ZNF700: variants seen among roughly 807,000 people sequenced by gnomAD.
The protein encoded by ZNF700 is zinc finger protein 700.
ZNF700 carries 38 observed loss-of-function variants against 65.3 expected under a neutral mutation model. That is an observed-to-expected ratio of 0.58 (90% CI 0.45 to 0.76). ZNF700 has a LOEUF of 0.76. Among genes scored for constraint, ZNF700 ranks in the 30% least tolerant of loss-of-function variants. The pLI, the probability that ZNF700 is intolerant of heterozygous loss-of-function variation, is 0.00. For synonymous variants in ZNF700, 285 were observed against 290.4 expected, an observed-to-expected ratio of 0.98 and a Z score of 0.19; for missense variants, 857 against 888.4, an observed-to-expected ratio of 0.96 and a Z score of 0.45.
rs758263083 is a variant in ZNF700 at position 11,947,187 on chromosome 19, G to C, written c.70G>C (p.Val24Leu). Residue 24 changes from valine (V) to leucine (L), a missense_variant, in exon 2 of 4, where the codon GTG (valine) becomes CTG (leucine). Val to Leu is a conservative substitution (Grantham distance 32). Coordinates refer to ENST00000254321, the MANE Select transcript of ZNF700 (RefSeq NM_144566.3). ...CACATGTGAGATGTTTCAGGACCCAGTGGCCTTTGAGGATGTGGCTGTGAA... is the reference window on the plus strand; with the variant it reads ...CACATGTGAGATGTTTCAGGACCCACTGGCCTTTGAGGATGTGGCTGTGAA... ...GTSESREMDP[V>L]AFEDVAVNFT... 2.5e-6 allele frequency: 4 copies of C among 1,613,796 alleles called. No individual in the cohort carries two copies. The highest frequency in any genetic ancestry group is 3.4e-6 in the Non-Finnish European group (4 of 1,179,924).
chr19:11,925,334 C>T (rs1256762352), intron 1 of ZNF700, 61 bp downstream of exon 1: 5 of 1,597,244 alleles, frequency 3.1e-6, no homozygotes, highest in Admixed American at 1.7e-5. Flanking sequence ...CAGGCGGGAA[C>T]CGGCTGTGGC....
In ZNF700 at chr19:11,950,630, T is replaced by A; in HGVS notation, c.*377T>A. On this transcript the variant is annotated 3_prime_UTR_variant, in exon 4 of 4. Transcript: ENST00000254321. ...AGAAACTCTATGAATGTAAGCAGTA[T>A]GGGAAAGCCTTCAGATCTGCCAAGA... is the stretch of plus-strand genomic sequence containing the variant. 1 of 388,482 alleles carries A rather than the reference T, an allele frequency of 2.6e-6. No individual in the cohort carries two copies. Among genetic ancestry groups the A allele is most frequent in the South Asian group, 2.5e-5 (1 of 39,318 alleles). The allele number at this position is 388,482 out of a possible 1,614,324, so 24.1% of individuals were successfully genotyped here. A position where few individuals can be genotyped will look rare whatever the true frequency, so the allele number is the denominator to read the frequency against.
Position 11,950,760 on chromosome 19 carries a change from A to AT in ZNF700, c.*509dup. On this transcript the variant is annotated 3_prime_UTR_variant, in exon 4 of 4. Transcript: ENST00000254321. ...ATAAAATATCCCATTGGTTTTATGT[A>AT]TTAGATCAAGCTTATAATGTTACAT... 1 of 204,452 alleles carries AT rather than the reference A, an allele frequency of 4.9e-6. No individual in the cohort carries two copies. Among genetic ancestry groups the AT allele is most frequent in the South Asian group, 7.5e-5 (1 of 13,378 alleles). The allele number at this position is 204,452 out of a possible 1,614,324, so 12.7% of individuals were successfully genotyped here. A position where few individuals can be genotyped will look rare whatever the true frequency, so the allele number is the denominator to read the frequency against.
Position 11,949,498 on chromosome 19 carries a change from C to T in ZNF700, c.1474C>T (p.His492Tyr), listed in dbSNP as rs1343025059. ...CAGATATGTGAAGCACCTTCAAATT[C>T]ATGAAAGGACAGAAAAACACATAAG... Reference protein sequence around the residue: ...AFRYVKHLQIHERTEKHIRMP... With the variant: ...AFRYVKHLQIYERTEKHIRMP... The change falls in exon 4 of 4, where the codon CAT becomes TAT. Residue 492 changes from histidine to tyrosine, a missense_variant. Coordinates refer to ENST00000254321, the MANE Select transcript of ZNF700 (RefSeq NM_144566.3). The T allele has an allele frequency of 1.2e-6, 2 of 1,611,956 alleles. No homozygotes were observed. Among genetic ancestry groups the T allele is most frequent in the African/African-American group, 2.7e-5 (2 of 74,580 alleles).
At chr19:11,943,364 T>C (rs1157412662) in intron 1 of ZNF700, among the ~76,000 whole-genome samples, 1 of 152,228 alleles carries the variant, frequency 6.6e-6, no homozygotes, top group Non-Finnish European at 1.5e-5. Flanking sequence ...TTTTGATAGA[T>C]AGCATTTTTC....
chr19:11,935,285 G>A (rs1190870063), intron 1 of ZNF700, among the ~76,000 whole-genome samples: 1 of 128,408 alleles, frequency 7.8e-6, no homozygotes, highest in African/African-American at 3.0e-5. Flanking sequence ...TGCCCAGTCT[G>A]GAGTGCAGTG....
Position 11,947,709 on chromosome 19 carries a change from CAT to C in ZNF700, c.251+140_251+141del, listed in dbSNP as rs1169253631. On this transcript the variant is annotated intron_variant, in intron 3 of 3. Transcript: ENST00000254321. ...CTTCTTAGAATATTTTCTCAAAAAA[CAT>C]ATATTTAAACGTGACTGAGGCTGAG... 3.5e-4 allele frequency: 331 copies of C among 944,508 alleles called. 1 individual carries two copies. The highest frequency in any genetic ancestry group is 4.2e-5 in the Non-Finnish European group (26 of 623,418). The allele number at this position is 944,508 out of a possible 1,614,324, so 58.5% of individuals were successfully genotyped here.
chr19:11,947,082 T>A lies in ZNF700; in HGVS notation c.64-99T>A, dbSNP rs1972971042. On this transcript the variant is annotated intron_variant, in intron 1 of 3. Coordinates refer to ENST00000254321, the MANE Select transcript of ZNF700 (RefSeq NM_144566.3). ...ATAACCGAAGCAGGGAATAAATGTT[T>A]GGAGTCCACAGCATCCTGAGAACTT... 2.6e-6 allele frequency: 4 copies of A among 1,509,834 alleles called. No homozygotes were observed. In the South Asian group the frequency reaches 5.5e-5, roughly 21 times the overall value. The allele number at this position is 1,509,834 out of a possible 1,614,324, so 93.5% of individuals were successfully genotyped here. A position where few individuals can be genotyped will look rare whatever the true frequency, so the allele number is the denominator to read the frequency against.
intron 1 of ZNF700, among the ~76,000 whole-genome samples, chr19:11,933,965 C>G (rs1296544938): frequency 6.8e-6 from 1 of 147,790 alleles, no homozygotes; most frequent in Non-Finnish European, 1.5e-5. Flanking sequence ...TGTGAGCCAT[C>G]ATGTCCGGCC....
chr19:11,949,008 C>T lies in ZNF700; in HGVS notation c.984C>T (p.His328=), dbSNP rs781560796. The T allele has an allele frequency of 6.2e-7, 1 of 1,605,962 alleles. No individual in the cohort carries two copies. Among genetic ancestry groups the T allele is most frequent in the Non-Finnish European group, 8.5e-7 (1 of 1,178,342 alleles). ...CTCTTCGTAGACATGAAAGGACCCA[C>T]TCTGGGAAAAAACCGTATGAATGTA... The part of the protein sequence containing the change: ...TSSLRRHERT[H]SGKKPYECKQ... The change falls in exon 4 of 4, where the codon CAC becomes CAT. Residue 328 remains histidine (H), a synonymous_variant. Coordinates refer to ENST00000254321, the MANE Select transcript of ZNF700 (RefSeq NM_144566.3).
chr19:11,945,746 TCCCTTTCCGGGTAACTTTAG>T (rs1972949709), intron 1 of ZNF700, among the ~76,000 whole-genome samples: 1 of 152,024 alleles, frequency 6.6e-6, no homozygotes, highest in Non-Finnish European at 1.5e-5. Flanking sequence ...CCATGATGAC[TCCCTTTCCGGGTAACTTTAG>T]CTGTAAAAGA....
In ZNF700 at chr19:11,950,301, C is replaced by G; in HGVS notation, c.*48C>G. 1 of 1,561,804 alleles carries G rather than the reference C, an allele frequency of 6.4e-7. No individual in the cohort carries two copies. The highest frequency in any genetic ancestry group is 1.2e-5 in the South Asian group (1 of 85,500). On this transcript the variant is annotated 3_prime_UTR_variant, in exon 4 of 4. Transcript: ENST00000254321. ...AATAGACTCACACTGGAAGGAAGCA[C>G]TATGAATGCAAGCAATGTGGCAAAA...
Position 11,948,779 on chromosome 19 carries a change from G to A in ZNF700, c.755G>A (p.Cys252Tyr). ...RTHTGEKPYE[C>Y]KQCGKSFTYS... ...CACACTGGAGAGAAACCATATGAAT[G>A]TAAACAATGTGGTAAATCCTTTACT... is the stretch of plus-strand genomic sequence containing the variant. The change falls in exon 4 of 4, where the codon TGT (cysteine) becomes TAT (tyrosine). Residue 252 changes from cysteine (C) to tyrosine (Y), a missense_variant. This residue lies in a region of ZNF700 where 603 missense variants were observed against 619.9 expected (regional missense o/e 0.97). Coordinates refer to ENST00000254321, the MANE Select transcript of ZNF700 (RefSeq NM_144566.3). 6.2e-7 allele frequency: 1 copy of A among 1,611,286 alleles called. No individual in the cohort carries two copies. Among genetic ancestry groups the A allele is most frequent in the Non-Finnish European group, 8.5e-7 (1 of 1,179,454 alleles).
Position 11,948,822 on chromosome 19 carries a change from A to G in ZNF700, c.798A>G (p.Gln266=), listed in dbSNP as rs908663683. ...GKSFTYSATL[Q]IHERTHTGEK... ...CCTTTACTTATTCTGCTACCCTTCA[A>G]ATACATGAAAGAACTCACACTGGGG... The change falls in exon 4 of 4, where the codon CAA becomes CAG. Residue 266 remains glutamine, a synonymous_variant. Transcript: ENST00000254321. 8.1e-6 allele frequency: 13 copies of G among 1,608,198 alleles called. No individual in the cohort carries two copies. The highest frequency in any genetic ancestry group is 9.3e-6 in the Non-Finnish European group (11 of 1,178,502).
chr19:11,940,431 C>T (rs897970834), intron 1 of ZNF700, among the ~76,000 whole-genome samples: 3 of 152,026 alleles, frequency 2.0e-5, no homozygotes, highest in East Asian at 1.9e-4. Context: ...TTTGTGGTCT[C>T]GCTGGCTCAG....
chr19:11,949,047 A>G lies in ZNF700; in HGVS notation c.1023A>G (p.Glu341=). ...CGTATGAATGTAAGCAATATGGGGAAGGCTTATCCTATCTTATAAGTTTTC... is the reference window on the plus strand; with the variant it reads ...CGTATGAATGTAAGCAATATGGGGAGGGCTTATCCTATCTTATAAGTTTTC... ...KKPYECKQYG[E]GLSYLISFQT... is the part of the protein sequence containing the mutation. The change falls in exon 4 of 4, where the codon GAA becomes GAG. Residue 341 remains glutamate (E), a synonymous_variant. Coordinates refer to ENST00000254321, the MANE Select transcript of ZNF700 (RefSeq NM_144566.3). 1.9e-6 allele frequency: 3 copies of G among 1,606,848 alleles called. No homozygotes were observed. Among genetic ancestry groups the G allele is most frequent in the Middle Eastern group, 1.7e-4 (1 of 6,034 alleles).
intron 1 of ZNF700, among the ~76,000 whole-genome samples, chr19:11,944,279 A>T (rs548899960): frequency 1.3e-5 from 2 of 152,274 alleles, no homozygotes; most frequent in African/African-American, 4.8e-5. Flanking sequence ...ATAATATTTC[A>T]TAAGGGGAAT....
intron 1 of ZNF700, among the ~76,000 whole-genome samples, chr19:11,936,394 A>G (rs1205382546): frequency 2.6e-5 from 4 of 152,264 alleles, no homozygotes; most frequent in African/African-American, 9.6e-5. Flanking sequence ...CTGGCGTGAG[A>G]TGGTATCTCA....
At chr19:11,928,064 T>C (rs562050140) in intron 1 of ZNF700, among the ~76,000 whole-genome samples, 3 of 152,200 alleles carry the variant, frequency 2.0e-5, no homozygotes, top group Admixed American at 6.5e-5. Context: ...GGTGCGATGA[T>C]GGCTTACTGC....
Sources: allele counts gnomAD v4.1 joint callset (sites outside exome capture counted in the v4.1 genomes callset), GRCh38; gene constraint gnomAD v4.1.1; regional missense constraint gnomAD v4.1.1; transcripts MANE v1.5; gene names NCBI Gene and HGNC (gene_info 2026-07-23, HGNC 2026-07-21).